The following ADD3 variants were observed in gnomAD, a reference collection of about 807,000 sequenced individuals.
The protein encoded by ADD3 is gamma-adducin.
ADD3 carries 25 observed loss-of-function variants against 80.2 expected under a neutral mutation model. The observed-to-expected ratio is 0.31, with a 90% CI of 0.23 to 0.44. The LOEUF (loss-of-function observed/expected upper bound fraction) is 0.44. ADD3 is among the 20% of genes least tolerant of loss of function. The pLI is 1.00. For missense variants in ADD3, 829 were observed against 847.5 expected, an observed-to-expected ratio of 0.98 and a Z score of 0.27; for synonymous variants, 284 against 289.6, an observed-to-expected ratio of 0.98 and a Z score of 0.20.
chr10:110,105,057 A>C (rs906072791), intron 2 of ADD3, among the ~76,000 whole-genome samples: 2 of 152,192 alleles, frequency 1.3e-5, no homozygotes, highest in African/African-American at 4.8e-5. Flanking sequence ...ATTTTGGTGT[A>C]AATGTAAATT....
At position 110,133,371 on chromosome 10, in the gene ADD3, C is replaced by T. The variant is rs1379620968; in HGVS notation, c.1874C>T (p.Pro625Leu). The T allele has an allele frequency of 6.2e-7, 1 of 1,605,232 alleles. No individual in the cohort carries two copies. The highest frequency in any genetic ancestry group is 8.5e-7 in the Non-Finnish European group (1 of 1,173,118). Residue 625 changes from proline to leucine, a missense_variant, in exon 15 of 15, where the codon CCT (proline) becomes CTT (leucine). Physicochemically the swap from Pro to Leu is moderately conservative, Grantham distance 98. Transcript: ENST00000356080. Reference sequence around the variant, plus strand: ...AAGAGCTTCATCTCCATGGAAGTGCCTGTCATGGTAGTAAATGGCAAGGAT... The same window carrying T: ...AAGAGCTTCATCTCCATGGAAGTGCTTGTCATGGTAGTAAATGGCAAGGAT... Reference protein sequence around the residue: ...FSKSFISMEVPVMVVNGKDDM... With the variant: ...FSKSFISMEVLVMVVNGKDDM...
At chr10:110,098,877 C>T (rs1848481199) in intron 1 of ADD3, among the ~76,000 whole-genome samples, 1 of 152,048 alleles carries the variant, frequency 6.6e-6, no homozygotes, top group South Asian at 2.1e-4. Context: ...GATCTGCCCC[C>T]TTGGCCTCCC....
At chr10:110,027,675 C>A (rs887681908) in intron 1 of ADD3, among the ~76,000 whole-genome samples, 7 of 152,056 alleles carry the variant, frequency 4.6e-5, no homozygotes, top group African/African-American at 1.4e-4. Context: ...CTCTTTTATC[C>A]CACCTCAGGT....
intron 1 of ADD3, among the ~76,000 whole-genome samples, chr10:110,090,505 G>A (rs1205736065): frequency 6.6e-6 from 1 of 152,116 alleles, no homozygotes; most frequent in Admixed American, 6.6e-5. Flanking sequence ...ACAGGTGTGA[G>A]CCACCATGCC....
At chr10:110,089,946 T>C (rs1233621921) in intron 1 of ADD3, among the ~76,000 whole-genome samples, 1 of 152,134 alleles carries the variant, frequency 6.6e-6, no homozygotes, top group Non-Finnish European at 1.5e-5. Context: ...TAAAGATTTT[T>C]ATTTCAAGTT....
intron 1 of ADD3, among the ~76,000 whole-genome samples, chr10:110,011,445 A>G (rs1852318432): frequency 6.6e-6 from 1 of 152,230 alleles, no homozygotes; most frequent in Non-Finnish European, 1.5e-5. Context: ...GATAGATGAA[A>G]TGTCATTTGA....
chr10:110,110,770 G>A (rs1228738753), intron 2 of ADD3, among the ~76,000 whole-genome samples: 1 of 151,850 alleles, frequency 6.6e-6, no homozygotes, highest in Non-Finnish European at 1.5e-5. Flanking sequence ...TGAGACAGGT[G>A]GATCACTTGA....
At chr10:110,102,248 C>T (rs1247994241) in intron 2 of ADD3, among the ~76,000 whole-genome samples, 1 of 148,852 alleles carries the variant, frequency 6.7e-6, no homozygotes, top group African/African-American at 2.6e-5. Flanking sequence ...ACTTGAAGAG[C>T]ACATTAATTA....
intron 12 of ADD3, among the ~76,000 whole-genome samples, chr10:110,129,459 TTCTC>T (rs1162107348): frequency 6.6e-6 from 1 of 152,110 alleles, no homozygotes; most frequent in Non-Finnish European, 1.5e-5. Context: ...TAGTTTTTCT[TTCTC>T]AAGCCTCTGA....
chr10:110,027,457 G>A (rs964417344), intron 1 of ADD3, among the ~76,000 whole-genome samples: 2 of 151,966 alleles, frequency 1.3e-5, no homozygotes, highest in African/African-American at 4.8e-5. Flanking sequence ...AAAGAAACGG[G>A]CGGGAAATTA....
chr10:110,031,027 G>C (rs979472688), intron 1 of ADD3, among the ~76,000 whole-genome samples: 1 of 152,054 alleles, frequency 6.6e-6, no homozygotes, highest in Non-Finnish European at 1.5e-5. Context: ...TGTAATCCCA[G>C]CACTTTGGGA....
intron 3 of ADD3, 56 bp downstream of exon 3, chr10:110,112,971 C>T: frequency 1.3e-6 from 2 of 1,552,340 alleles, no homozygotes; most frequent in African/African-American, 1.4e-5. Context: ...CTTTGGACCA[C>T]TATACATCTC....
intron 1 of ADD3, among the ~76,000 whole-genome samples, chr10:110,017,183 G>A (rs1438401596): frequency 6.6e-6 from 1 of 152,184 alleles, no homozygotes; most frequent in Non-Finnish European, 1.5e-5. Flanking sequence ...GCTATATACT[G>A]CTGATTTATT....
chr10:110,116,460 G>C lies in ADD3; in HGVS notation c.486+50G>C, dbSNP rs13306107. 1.5e-4 allele frequency: 245 copies of C among 1,585,576 alleles called. 1 individual carries two copies. The East Asian group carries it at 5.0e-3, about 32-fold the overall frequency. ...TTTTTTAAAAAATTCCAGCTAGAAG[G>C]CAACTATACTCTTCTTACCTTTACC... On this transcript the variant is annotated intron_variant, in intron 4 of 14. Coordinates refer to ENST00000356080, the MANE Select transcript of ADD3 (RefSeq NM_016824.5).
rs1127522 is a variant in ADD3, at chr10:110,133,804, G to A, written c.*186G>A. On this transcript the variant is annotated 3_prime_UTR_variant, in exon 15 of 15. Transcript: ENST00000356080. The stretch of plus-strand genomic sequence containing the variant: ...ATTCATCTCTCATTTTATATGTCCA[G>A]AAATGGCTTTGAATTTTAAGCAATT... 0.058 allele frequency: 26,691 copies of A among 463,160 alleles called. 5,214 individuals carry two copies. The highest frequency in any genetic ancestry group is 0.45 in the African/African-American group (22,291 of 49,620). The allele number at this position is 463,160 out of a possible 1,614,324, so 28.7% of individuals were successfully genotyped here. A position where few individuals can be genotyped will look rare whatever the true frequency, so the allele number is the denominator to read the frequency against.
intron 1 of ADD3, among the ~76,000 whole-genome samples, chr10:110,086,178 G>A (rs1053338575): frequency 1.3e-5 from 2 of 152,042 alleles, no homozygotes; most frequent in Non-Finnish European, 1.5e-5. Flanking sequence ...TTGGGAGGCC[G>A]AGGTGGGCGG....
At chr10:110,117,577 A>T (rs1469395437) in intron 5 of ADD3, among the ~76,000 whole-genome samples, 155 bp downstream of exon 5, 1 of 152,210 alleles carries the variant, frequency 6.6e-6, no homozygotes, top group East Asian at 1.9e-4. Context: ...GTTTTAGGGA[A>T]AAGCTTTAGA....
intron 1 of ADD3, among the ~76,000 whole-genome samples, chr10:110,050,615 C>T (rs553897676): frequency 4.0e-5 from 6 of 151,180 alleles, no homozygotes; most frequent in African/African-American, 1.2e-4. Context: ...TGGGTTCAAG[C>T]GATTCTCCTG....
intron 2 of ADD3, among the ~76,000 whole-genome samples, chr10:110,101,365 T>G (rs1378017689): frequency 2.0e-5 from 3 of 152,168 alleles, no homozygotes; most frequent in Admixed American, 1.3e-4. Flanking sequence ...CCAGGCTCAG[T>G]GGCTCACAGT....
Sources: gnomAD v4.1 joint callset for allele counts (sites outside exome capture counted in the v4.1 genomes callset) on GRCh38, gnomAD v4.1.1 for gene constraint, MANE v1.5 for transcripts, NCBI Gene and HGNC (gene_info 2026-07-23, HGNC 2026-07-21) for gene names.